The following INF2 variants were observed in gnomAD, a reference collection of about 807,000 sequenced individuals.
The protein encoded by INF2 is inverted formin-2.
In INF2, 43 loss-of-function variants were observed where a neutral mutation model predicts 123.5. The ratio of observed to expected loss-of-function variants is 0.35; its 90% CI spans 0.27 to 0.45. INF2 has a LOEUF of 0.45. Among genes scored for constraint, INF2 ranks in the 20% least tolerant of loss-of-function variants. The pLI is 1.00. For synonymous variants in INF2, 851 were observed against 745.0 expected (o/e 1.14, Z -2.32); for missense variants, 1,453 against 1,682.7 (o/e 0.86, Z 2.39).
chr14:104,688,440 T>C (rs1888752447), upstream of INF2, among the ~76,000 whole-genome samples: 1 of 152,160 alleles, frequency 6.6e-6, no homozygotes, highest in South Asian at 2.1e-4. Flanking sequence ...CAGGAGCCCT[T>C]TTCTCTCCCC....
chr14:104,703,001 T>C, intron 2 of INF2, 104 bp from the exon 3 acceptor site: 1 of 902,726 alleles, frequency 1.1e-6, no homozygotes, highest in South Asian at 1.4e-5. Context: ...CGGCACCCCC[T>C]GGCGTCTGCC....
intron 20 of INF2, 44 bp from the exon 21 acceptor site, chr14:104,714,159 G>A (rs375238098): frequency 1.2e-4 from 179 of 1,445,494 alleles, no homozygotes; most frequent in African/African-American, 2.6e-4. Context: ...GGGCTGGCTC[G>A]GGGGCAGGGT....
intron 11 of INF2, 50 bp from the exon 12 acceptor site, chr14:104,709,570 G>A (rs1889946451): frequency 6.5e-7 from 1 of 1,545,450 alleles, no homozygotes; most frequent in Non-Finnish European, 8.9e-7. Context: ...AGTCCGGGAG[G>A]GCGGGAAGCT....
At chr14:104,708,788 C>A in intron 10 of INF2, 56 bp downstream of exon 10, 1 of 1,571,030 alleles carries the variant, frequency 6.4e-7, no homozygotes, top group Non-Finnish European at 8.8e-7. Context: ...TCCACCTGAG[C>A]CTTCTGACTT....
In INF2 at chr14:104,714,852, G is replaced by T; in HGVS notation, c.3690G>T (p.Gln1230His). The change falls in exon 21 of 23, where the codon CAG (glutamine) becomes CAT (histidine). Residue 1230 changes from glutamine (Q) to histidine (H), a missense_variant. Physicochemically the swap from Gln to His is conservative, Grantham distance 24. Coordinates refer to ENST00000392634, the MANE Select transcript of INF2 (RefSeq NM_022489.4). ...KRRKKRPSRS[Q>H]EEVPPDSDDN... ...GGAAGAAGCGTCCCTCCAGGAGCCA[G>T]GAAGGTAACTCAGGGAGGGGCCCCG... 1 of 1,568,636 alleles carries T rather than the reference G, an allele frequency of 6.4e-7. No homozygotes were observed. Among genetic ancestry groups the T allele is most frequent in the Non-Finnish European group, 8.6e-7 (1 of 1,162,820 alleles).
At chr14:104,713,836 C>T (rs1359260929) in intron 20 of INF2, among the ~76,000 whole-genome samples, 1 of 152,252 alleles carries the variant, frequency 6.6e-6, no homozygotes, top group Non-Finnish European at 1.5e-5. Context: ...GCCCTCAGTG[C>T]TGAAGCAGCA....
At position 104,703,429 on chromosome 14, in the gene INF2, C is replaced by T. The variant is rs1889624072; in HGVS notation, c.642C>T (p.Arg214=). The T allele has an allele frequency of 6.2e-7, 1 of 1,612,664 alleles. No individual in the cohort carries two copies. The highest frequency in any genetic ancestry group is 8.5e-7 in the Non-Finnish European group (1 of 1,179,944). Residue 214 remains arginine, a synonymous_variant, in exon 4 of 23, where the codon CGC becomes CGT. Coordinates refer to ENST00000392634, the MANE Select transcript of INF2 (RefSeq NM_022489.4). ...TGGGCCCCGAGGACCTGCGCGCGCGCACCCAGCTGCGGAACGAGTTTATCG... is the reference window on the plus strand; with the variant it reads ...TGGGCCCCGAGGACCTGCGCGCGCGTACCCAGCTGCGGAACGAGTTTATCG... ...VILGPEDLRA[R]TQLRNEFIGL...
intron 1 of INF2, among the ~76,000 whole-genome samples, chr14:104,696,867 C>T (rs2140619902): frequency 6.6e-6 from 1 of 152,232 alleles, no homozygotes; most frequent in Non-Finnish European, 1.5e-5. Context: ...GCTCAGGGCC[C>T]AGAAGCACCC....
chr14:104,707,064 G>A lies in INF2; in HGVS notation c.985+13G>A, dbSNP rs752848206. ...CTGGCCAGCGATGGTGAGGGGGCGGGGCAGGGGCGTAGGCACAGCCTGGTG... is the reference window on the plus strand; with the variant it reads ...CTGGCCAGCGATGGTGAGGGGGCGGAGCAGGGGCGTAGGCACAGCCTGGTG... On this transcript the variant is annotated intron_variant, in intron 7 of 22. Transcript: ENST00000392634. 9 of 1,571,104 alleles carry A rather than the reference G, an allele frequency of 5.7e-6. No homozygotes were observed. In the East Asian group the frequency reaches 6.9e-5, roughly 12 times the overall value.
At chr14:104,683,194 AGGGGT>A (rs1198500371) in intron 1 of INF2, among the ~76,000 whole-genome samples, 9 of 16,838 alleles carry the variant, frequency 5.3e-4, no homozygotes, top group Non-Finnish European at 1.2e-3. Flanking sequence ...GGGGGAGGGG[AGGGGT>A]GGAGGGGAGG....
At chr14:104,689,027 A>G (rs1176830811), upstream of INF2, among the ~76,000 whole-genome samples, 1 of 152,076 alleles carries the variant, frequency 6.6e-6, no homozygotes, top group African/African-American at 2.4e-5. Context: ...GTCTCCACCA[A>G]CCGGCGAAGT....
chr14:104,709,898 G>C (rs571774377), intron 12 of INF2, among the ~76,000 whole-genome samples, 190 bp from the exon 13 acceptor site: 2 of 152,328 alleles, frequency 1.3e-5, no homozygotes, highest in East Asian at 3.9e-4. Flanking sequence ...CTCAAAGTGT[G>C]GGGCTGGAGG....
Position 104,711,647 on chromosome 14 carries a change from C to T in INF2, c.2437C>T (p.Pro813Ser). The change falls in exon 16 of 23, where the codon CCC becomes TCC. Residue 813 changes from proline (P) to serine (S), a missense_variant. Physicochemically the swap from Pro to Ser is moderately conservative, Grantham distance 74. Coordinates refer to ENST00000392634, the MANE Select transcript of INF2 (RefSeq NM_022489.4). ...ATTGCAGGAAGCGGAAAAGAGCCAC[C>T]CCGACCTCCTGCAGCTGCCCCGGGA... ...HVLEEAEKSHPDLLQLPRDLE... is the reference protein window; with the variant it reads ...HVLEEAEKSHSDLLQLPRDLE... 1.2e-6 allele frequency: 2 copies of T among 1,612,480 alleles called. No homozygotes were observed. Among genetic ancestry groups the T allele is most frequent in the Non-Finnish European group, 1.7e-6 (2 of 1,179,720 alleles).
chr14:104,683,158 G>C (rs1008677848), intron 1 of INF2, among the ~76,000 whole-genome samples: 15 of 152,238 alleles, frequency 9.9e-5, no homozygotes, highest in African/African-American at 3.6e-4. Context: ...AGAGACCTGG[G>C]GGAGGGGTCT....
chr14:104,708,384 CGCCAG>C, intron 8 of INF2, 47 bp from the exon 9 acceptor site: 2 of 1,598,760 alleles, frequency 1.3e-6, no homozygotes, highest in South Asian at 2.2e-5. Context: ...CCTGCTGGAT[CGCCAG>C]GCCCCGGGGC....
chr14:104,693,590 C>A (rs1013142181), intron 1 of INF2, among the ~76,000 whole-genome samples: 4 of 152,218 alleles, frequency 2.6e-5, no homozygotes, highest in African/African-American at 9.6e-5. Context: ...CTGCTGTGGG[C>A]AGAGGCCAGC....
At position 104,719,429 on chromosome 14, in the gene INF2, G is replaced by C. The variant is rs1268690665; in HGVS notation, c.*636G>C. 1 of 152,426 alleles carries C rather than the reference G, an allele frequency of 6.6e-6. No individual in the cohort carries two copies. The highest frequency in any genetic ancestry group is 2.4e-5 in the African/African-American group (1 of 41,442). The allele number at this position is 152,426 out of a possible 1,614,324, so 9.4% of individuals were successfully genotyped here. On this transcript the variant is annotated 3_prime_UTR_variant, in exon 23 of 23. Transcript: ENST00000392634. The stretch of plus-strand genomic sequence containing the variant: ...AACCCCTCCCAGTGCCAGCTGCCCA[G>C]CGTGGGCAGGCCCTGGGGACAATAC...
At chr14:104,703,082 G>A in intron 2 of INF2, 23 bp from the exon 3 acceptor site, 2 of 1,593,642 alleles carry the variant, frequency 1.3e-6, no homozygotes, top group Non-Finnish European at 8.6e-7. Flanking sequence ...GCCCTGCTGA[G>A]CCTGCCCACT....
In INF2 at chr14:104,711,633, C is replaced by T. The variant is rs200948588; in HGVS notation, c.2423C>T (p.Ala808Val). Reference protein sequence around the residue: ...VTLLHHVLEEAEKSHPDLLQL... With the variant: ...VTLLHHVLEEVEKSHPDLLQL... ...ACTGGACGTGTCCCATTGCAGGAAGCGGAAAAGAGCCACCCCGACCTCCTG... is the reference window on the plus strand; with the variant it reads ...ACTGGACGTGTCCCATTGCAGGAAGTGGAAAAGAGCCACCCCGACCTCCTG... Residue 808 changes from alanine to valine, a missense_variant, in exon 16 of 23, where the codon GCG becomes GTG. Physicochemically the swap from Ala to Val is moderately conservative, Grantham distance 64 (BLOSUM62 0). Around this residue, in one of 8 missense-constraint regions of INF2, gnomAD observed 31 missense variants for 86.0 expected, o/e 0.36. Transcript: ENST00000392634. 2.0e-5 allele frequency: 32 copies of T among 1,612,348 alleles called. No individual in the cohort carries two copies. The highest frequency in any genetic ancestry group is 5.3e-5 in the African/African-American group (4 of 74,890).
Sources: gnomAD v4.1 joint callset for allele counts (sites outside exome capture counted in the v4.1 genomes callset) on GRCh38, gnomAD v4.1.1 for gene constraint, gnomAD v4.1.1 regional missense constraint, MANE v1.5 for transcripts, NCBI Gene and HGNC (gene_info 2026-07-23, HGNC 2026-07-21) for gene names.